LYRM4: variants seen among roughly 807,000 people sequenced by gnomAD.
LYRM4 encodes LYR motif containing 4, also known as LYR motif-containing protein 4.
Under a neutral mutation model 11.7 loss-of-function variants are expected in LYRM4, and 9 were observed. The ratio of observed to expected loss-of-function variants is 0.77; its 90% CI spans 0.46 to 1.34. The LOEUF (loss-of-function observed/expected upper bound fraction) is 1.34, where lower values mean the gene tolerates loss of function less well. Ranked by LOEUF, LYRM4 falls within the 40% of genes most tolerant of loss-of-function variation. The probability of loss-of-function intolerance (pLI) is 0.00; values close to 1 mark genes in which losing one functional copy is unlikely to be tolerated. For missense variants in LYRM4, 133 were observed against 112.5 expected (o/e 1.18, Z -0.82); for synonymous variants, 42 against 40.4 (o/e 1.04, Z -0.15).
the LYRM4 span, among the ~76,000 whole-genome samples, chr6:5,051,293 T>C: frequency 6.6e-6 from 1 of 152,048 alleles, no homozygotes; most frequent in Non-Finnish European, 1.5e-5. Context: ...TTCCAAAATA[T>C]GATAAAGACA....
Position 5,246,540 on chromosome 6 carries a change from A to G in LYRM4, c.86+14108T>C, listed in dbSNP as rs1456709142. 2.0e-5 allele frequency among the ~76,000 whole-genome samples: 3 copies of G among 152,080 alleles called. No individual in the cohort carries two copies. The South Asian group carries it at 6.2e-4, about 31-fold the overall frequency. Reference sequence around the variant, plus strand: ...AGTTAGTTGCTGCTGTACTTGAGAAACCTCACAGTAAGGAGGGCAGGGTGC... The same window carrying G: ...AGTTAGTTGCTGCTGTACTTGAGAAGCCTCACAGTAAGGAGGGCAGGGTGC... On this transcript the variant is annotated intron_variant, in intron 1 of 2. Coordinates refer to ENST00000330636, the MANE Select transcript of LYRM4 (RefSeq NM_020408.6).
the LYRM4 span, among the ~76,000 whole-genome samples, chr6:5,081,030 G>A: frequency 6.6e-6 from 1 of 151,526 alleles, no homozygotes; most frequent in African/African-American, 2.4e-5. Flanking sequence ...TGCAGCAATA[G>A]GTAACACGAA....
the LYRM4 span, among the ~76,000 whole-genome samples, chr6:5,097,227 C>G: frequency 2.0e-5 from 3 of 149,100 alleles, no homozygotes; most frequent in African/African-American, 4.9e-5. Flanking sequence ...TCAGGTTTCT[C>G]TCCCTCTTCT....
chr6:5,139,957 C>G (rs1255142358), intron 2 of LYRM4, among the ~76,000 whole-genome samples: 1 of 150,300 alleles, frequency 6.7e-6, no homozygotes, highest in African/African-American at 2.4e-5. Flanking sequence ...CCCACGTAAG[C>G]CTCCCAAGCA....
chr6:5,241,936 C>A (rs2773299), intron 1 of LYRM4, among the ~76,000 whole-genome samples: 4 of 151,872 alleles, frequency 2.6e-5, no homozygotes, highest in African/African-American at 9.7e-5. Context: ...TAGCAAGGCC[C>A]TAAGATCCTC....
the LYRM4 span, among the ~76,000 whole-genome samples, chr6:5,073,004 T>C: frequency 1.3e-5 from 2 of 152,242 alleles, no homozygotes; most frequent in Non-Finnish European, 2.9e-5. Flanking sequence ...GTCTTTATAA[T>C]ACATTTTCCT....
chr6:5,053,687 T>G, the LYRM4 span, among the ~76,000 whole-genome samples: 7 of 151,868 alleles, frequency 4.6e-5, no homozygotes, highest in Admixed American at 4.6e-4. Flanking sequence ...AAAACCAGAA[T>G]CCCTAGGAAA....
At chr6:5,034,392 T>C in the LYRM4 span, 1 of 152,232 alleles carries the variant, frequency 6.6e-6, no homozygotes, top group African/African-American at 2.4e-5. Flanking sequence ...AAGTCTCATG[T>C]TGAAATGTGA....
intron 1 of LYRM4, 37 bp downstream of exon 1, chr6:5,260,611 G>GGCCCC: frequency 5.8e-6 from 8 of 1,377,678 alleles, no homozygotes; most frequent in Non-Finnish European, 6.9e-6. Context: ...CCGGCCCCTG[G>GGCCCC]CCCCCCGCCC....
intron 2 of LYRM4, among the ~76,000 whole-genome samples, chr6:5,152,260 T>C (rs533083140): frequency 6.6e-4 from 100 of 152,284 alleles, no homozygotes; most frequent in African/African-American, 2.4e-3. Flanking sequence ...GTGTTTCTCC[T>C]GCCCTGCCAA....
chr6:5,179,526 G>T (rs1759950075), intron 2 of LYRM4, among the ~76,000 whole-genome samples: 1 of 152,134 alleles, frequency 6.6e-6, no homozygotes, highest in Non-Finnish European at 1.5e-5. Context: ...CACAGTATTT[G>T]TTCTTTTGTG....
At chr6:5,242,480 G>T (rs1207052378) in intron 1 of LYRM4, among the ~76,000 whole-genome samples, 1 of 151,498 alleles carries the variant, frequency 6.6e-6, no homozygotes, top group Non-Finnish European at 1.5e-5. Context: ...AGCACTTTGG[G>T]GGGCCGAGGC....
At chr6:5,178,389 C>T (rs1759844933) in intron 2 of LYRM4, among the ~76,000 whole-genome samples, 1 of 151,104 alleles carries the variant, frequency 6.6e-6, no homozygotes, top group Admixed American at 6.6e-5. Flanking sequence ...AAAGCTAACA[C>T]CTGGATGTAG....
rs894821150 is a variant in LYRM4 at position 5,260,841 on chromosome 6, C to A, written c.-108G>T. ...AAACCACGAACGAAATAAAATGCTG[C>A]GGCTCGGCTTTGCCAGCGGGCCGGG... is the stretch of plus-strand genomic sequence containing the variant. On this transcript the variant is annotated 5_prime_UTR_variant, in exon 1 of 3. Transcript: ENST00000330636. 4.0e-6 allele frequency: 6 copies of A among 1,505,620 alleles called. No individual in the cohort carries two copies. The African/African-American group carries it at 8.4e-5, about 21-fold the overall frequency. 93.3% of individuals were successfully genotyped at this position (1,505,620 alleles called of 1,614,324 possible).
intron 2 of LYRM4, among the ~76,000 whole-genome samples, chr6:5,151,612 T>C (rs527997965): frequency 3.3e-5 from 5 of 152,342 alleles, no homozygotes; most frequent in African/African-American, 1.2e-4. Context: ...CCAAGCATTT[T>C]ATCAGGAGGC....
At chr6:5,079,256 T>C in the LYRM4 span, among the ~76,000 whole-genome samples, 2 of 152,162 alleles carry the variant, frequency 1.3e-5, no homozygotes, top group Non-Finnish European at 1.5e-5. Flanking sequence ...AGAAAGTAAC[T>C]AGGAAATATA....
chr6:5,084,828 C>G, the LYRM4 span: 1 of 152,314 alleles, frequency 6.6e-6, no homozygotes. Context: ...GGGATGCGCT[C>G]CCCGCTCTCC....
chr6:5,198,202 G>GA (rs1247292927), intron 2 of LYRM4, among the ~76,000 whole-genome samples: 3 of 151,260 alleles, frequency 2.0e-5, no homozygotes, highest in Admixed American at 6.6e-5. Context: ...CCGTCTCAAA[G>GA]AAAAAAAAGA....
the LYRM4 span, among the ~76,000 whole-genome samples, chr6:5,063,922 T>A: frequency 6.6e-6 from 1 of 152,166 alleles, no homozygotes; most frequent in African/African-American, 2.4e-5. Flanking sequence ...ACTAGGCCTC[T>A]GGGCGAAGGG....
Sources: gnomAD v4.1 joint callset for allele counts (sites outside exome capture counted in the v4.1 genomes callset) on GRCh38, gnomAD v4.1.1 for gene constraint, MANE v1.5 for transcripts, NCBI Gene and HGNC (gene_info 2026-07-23, HGNC 2026-07-21) for gene names.